The following PCDHGA6 variants were observed in gnomAD, a reference collection of about 807,000 sequenced individuals.
PCDHGA6 encodes the protein protocadherin gamma subfamily A, 6.
Under a neutral mutation model 60.6 loss-of-function variants are expected in PCDHGA6, and 41 were observed. The observed-to-expected ratio is 0.68, with a 90% CI of 0.53 to 0.88. The LOEUF is 0.88. PCDHGA6 is among the 40% of genes least tolerant of loss of function. The pLI is 0.00. For synonymous variants in PCDHGA6, 594 were observed against 524.4 expected, an observed-to-expected ratio of 1.13 and a Z score of -1.81; for missense variants, 1,312 against 1,203.0, an observed-to-expected ratio of 1.09 and a Z score of -1.34.
intron 1 of PCDHGA6, chr5:141,410,775 T>A: frequency 1.0e-6 from 1 of 998,978 alleles, no homozygotes. Flanking sequence ...TAGTTTTCAC[T>A]ATGTATTTGG....
chr5:141,418,620 A>T lies in PCDHGA6; in HGVS notation c.2424+42113A>T, dbSNP rs762197476. 180 of 1,613,904 alleles carry T rather than the reference A, an allele frequency of 1.1e-4. No homozygotes were observed. The highest frequency in any genetic ancestry group is 1.5e-4 in the Non-Finnish European group (172 of 1,179,900). On this transcript the variant is annotated intron_variant, in intron 1 of 3. Coordinates refer to ENST00000517434, the MANE Select transcript of PCDHGA6 (RefSeq NM_018919.3). The stretch of plus-strand genomic sequence containing the variant: ...GTGTACAGGGTTAGCCTTCGGGAAG[A>T]CGTGCCTCCAGGCACCTCCATCCTG...
At chr5:141,398,483 T>A (rs754131866) in intron 1 of PCDHGA6, 1 of 1,608,486 alleles carries the variant, frequency 6.2e-7, no homozygotes, top group Non-Finnish European at 8.5e-7. Flanking sequence ...TTTTATCACG[T>A]GAATGTGGAG....
intron 2 of PCDHGA6, 117 bp downstream of exon 2, chr5:141,494,982 G>T: frequency 1.3e-6 from 2 of 1,563,940 alleles, no homozygotes; most frequent in Non-Finnish European, 1.7e-6. Flanking sequence ...CTCAGTTTGA[G>T]ATCCCAGGGA....
At chr5:141,426,407 C>T (rs974898367) in intron 1 of PCDHGA6, 5 of 257,632 alleles carry the variant, frequency 1.9e-5, no homozygotes, top group African/African-American at 6.6e-5. Context: ...CCAGAAGAAA[C>T]GGTCCAGGGC....
intron 1 of PCDHGA6, among the ~76,000 whole-genome samples, chr5:141,397,195 GAT>G (rs2093485710): frequency 1.3e-5 from 2 of 152,150 alleles, no homozygotes; most frequent in Admixed American, 1.3e-4. Context: ...TACTGTAAAA[GAT>G]ATGACATAAG....
intron 1 of PCDHGA6, chr5:141,413,419 A>C: frequency 6.2e-7 from 1 of 1,614,084 alleles, no homozygotes; most frequent in Non-Finnish European, 8.5e-7. Context: ...TTTCTCTCTG[A>C]ACCCGCGCAG....
chr5:141,409,833 C>G (rs973436075), intron 1 of PCDHGA6: 2 of 1,611,368 alleles, frequency 1.2e-6, no homozygotes, highest in Non-Finnish European at 1.7e-6. Context: ...ACGCTCAGCG[C>G]CAACGTGAGC....
intron 1 of PCDHGA6, chr5:141,441,330 C>T (rs919906372): frequency 8.5e-5 from 13 of 152,170 alleles, no homozygotes; most frequent in Admixed American, 1.3e-4. Context: ...AATCTTCCTC[C>T]AATAATTAAC....
At chr5:141,508,903 G>A (rs1410291297) in intron 3 of PCDHGA6, among the ~76,000 whole-genome samples, 1 of 152,086 alleles carries the variant, frequency 6.6e-6, no homozygotes, top group East Asian at 1.9e-4. Flanking sequence ...GGGCGGGGCG[G>A]TGGCGGATCT....
At chr5:141,393,102 G>C (rs768432261) in intron 1 of PCDHGA6, 2 of 1,613,568 alleles carry the variant, frequency 1.2e-6, no homozygotes, top group Non-Finnish European at 1.7e-6. Context: ...GGAGCTCTGC[G>C]CTCAGAGCCC....
intron 1 of PCDHGA6, chr5:141,382,815 C>T (rs1166972077): frequency 5.6e-6 from 7 of 1,260,548 alleles, no homozygotes; most frequent in Non-Finnish European, 7.7e-6. Flanking sequence ...GCTCCCCTTC[C>T]TAAGACAGAG....
chr5:141,497,919 T>G (rs762168347), intron 2 of PCDHGA6, among the ~76,000 whole-genome samples: 11 of 152,206 alleles, frequency 7.2e-5, no homozygotes, highest in Non-Finnish European at 1.6e-4. Flanking sequence ...TCTCCTTCAT[T>G]CATTCAACAA....
chr5:141,506,471 C>T (rs2099854191), intron 3 of PCDHGA6, among the ~76,000 whole-genome samples: 2 of 148,834 alleles, frequency 1.3e-5, no homozygotes, highest in African/African-American at 5.0e-5. Flanking sequence ...AAAAAGAGCA[C>T]AGGCTTTAGA....
At chr5:141,460,961 A>ATATGTGTG (rs1463306338) in intron 1 of PCDHGA6, among the ~76,000 whole-genome samples, 3 of 144,556 alleles carry the variant, frequency 2.1e-5, no homozygotes, top group African/African-American at 7.8e-5. Context: ...GTATATATAT[A>ATATGTGTG]TGTGTGTGTG....
chr5:141,497,730 G>T (rs13182286), intron 2 of PCDHGA6, among the ~76,000 whole-genome samples: 247 of 152,136 alleles, frequency 1.6e-3, no homozygotes, highest in Non-Finnish European at 2.8e-3. Flanking sequence ...AGTAGAGATG[G>T]GTTTCGCCAC....
chr5:141,388,871 C>G, intron 1 of PCDHGA6: 1 of 1,613,930 alleles, frequency 6.2e-7, no homozygotes, highest in Non-Finnish European at 8.5e-7. Flanking sequence ...TTGCGCAATG[C>G]ACAGTGGAGG....
intron 2 of PCDHGA6, among the ~76,000 whole-genome samples, chr5:141,500,942 C>T (rs937418207): frequency 2.0e-5 from 3 of 151,926 alleles, no homozygotes; most frequent in Non-Finnish European, 4.4e-5. Context: ...CATCTCGGCT[C>T]ACTGCAAGCT....
rs769514553 is a variant in PCDHGA6, at chr5:141,490,072, G to T, written c.2425-4735G>T. On this transcript the variant is annotated intron_variant, in intron 1 of 3. Transcript: ENST00000517434. The surrounding 1 kb of genome is among the most constrained non-coding windows in gnomAD (Gnocchi z 5.4). Reference sequence around the variant, plus strand: ...AGACGAGGGCACCAACGGCCAACTAGACTATTCTTTTGGAGACCACACATC... The same window carrying T: ...AGACGAGGGCACCAACGGCCAACTATACTATTCTTTTGGAGACCACACATC... 2 of 1,614,254 alleles carry T rather than the reference G, an allele frequency of 1.2e-6. No homozygotes were observed. Among genetic ancestry groups the T allele is most frequent in the South Asian group, 2.2e-5 (2 of 91,090 alleles).
chr5:141,396,923 G>A (rs6886638), intron 1 of PCDHGA6, among the ~76,000 whole-genome samples: 45,883 of 152,076 alleles, frequency 0.3, 8,183 homozygotes, highest in African/African-American at 0.5. Context: ...TTAAAAACTC[G>A]GATGAAAGTT....
Sources: gnomAD v4.1 joint callset for allele counts (sites outside exome capture counted in the v4.1 genomes callset) on GRCh38, gnomAD v4.1.1 for gene constraint, Gnocchi (gnomAD v3.1) non-coding constraint, MANE v1.5 for transcripts, NCBI Gene and HGNC (gene_info 2026-07-23, HGNC 2026-07-21) for gene names.